The following ELMO1 variants were observed in gnomAD, a reference collection of about 807,000 sequenced individuals.
The protein encoded by ELMO1 is engulfment and cell motility protein 1.
ELMO1 carries 26 observed loss-of-function variants against 98.9 expected under a neutral mutation model. That is an observed-to-expected ratio of 0.26 (90% confidence interval 0.19 to 0.36). The LOEUF is 0.36. Ranked by LOEUF, ELMO1 falls within the 10% of genes least tolerant of loss-of-function variation. The pLI, the probability that ELMO1 is intolerant of heterozygous loss-of-function variation, is 1.00. For missense variants in ELMO1, 627 were observed against 935.2 expected (o/e 0.67, Z 4.30); for synonymous variants, 346 against 346.0 (o/e 1.00, Z 0.00).
chr7:37,076,979 T>A (rs1250323853), intron 15 of ELMO1, among the ~76,000 whole-genome samples: 1 of 152,246 alleles, frequency 6.6e-6, no homozygotes, highest in East Asian at 1.9e-4. Flanking sequence ...GATTATTTAC[T>A]GTCCCAATTA....
At chr7:37,080,219 A>G (rs1797790640) in intron 15 of ELMO1, among the ~76,000 whole-genome samples, 1 of 152,108 alleles carries the variant, frequency 6.6e-6, no homozygotes, top group East Asian at 1.9e-4. Flanking sequence ...TCAGGACACC[A>G]TCATCTCTCA....
intron 8 of ELMO1, among the ~76,000 whole-genome samples, chr7:37,231,660 G>A (rs1794181697): frequency 6.6e-6 from 1 of 152,164 alleles, no homozygotes; most frequent in African/African-American, 2.4e-5. Flanking sequence ...AAGGAGGCAT[G>A]ACAACCAAAT....
intron 13 of ELMO1, among the ~76,000 whole-genome samples, chr7:37,165,060 T>G (rs1370607124): frequency 6.6e-6 from 1 of 152,192 alleles, no homozygotes. Context: ...ACATCCCTTG[T>G]AAGGTGGATT....
At chr7:37,330,350 C>T (rs927978402) in intron 2 of ELMO1, among the ~76,000 whole-genome samples, 1 of 152,216 alleles carries the variant, frequency 6.6e-6, no homozygotes, top group African/African-American at 2.4e-5. Flanking sequence ...TTGTTTTCAA[C>T]CTTCAATTAA....
intron 16 of ELMO1, among the ~76,000 whole-genome samples, chr7:36,968,915 G>T (rs1048343676): frequency 4.0e-5 from 6 of 151,898 alleles, no homozygotes; most frequent in African/African-American, 1.5e-4. Context: ...GGGCAGCTTT[G>T]GCTATATCCC....
chr7:37,325,560 T>C (rs1226253701), intron 2 of ELMO1, among the ~76,000 whole-genome samples: 1 of 152,136 alleles, frequency 6.6e-6, no homozygotes, highest in Non-Finnish European at 1.5e-5. Flanking sequence ...TGCAAAATGC[T>C]TTTCCACAAA....
chr7:36,885,395 T>C (rs1279023511), intron 18 of ELMO1, among the ~76,000 whole-genome samples: 1 of 152,142 alleles, frequency 6.6e-6, no homozygotes, highest in Non-Finnish European at 1.5e-5. Context: ...ACAGGATTAT[T>C]CTGATACAAC....
intron 15 of ELMO1, among the ~76,000 whole-genome samples, chr7:37,061,524 G>A (rs34553617): frequency 0.036 from 5,460 of 151,982 alleles, 109 homozygotes; most frequent in Middle Eastern, 0.078. Flanking sequence ...CCTTTTTTCC[G>A]TCCACAATGC....
chr7:37,448,446 TC>T (rs1805749089), intron 1 of ELMO1, among the ~76,000 whole-genome samples: 2 of 150,866 alleles, frequency 1.3e-5, no homozygotes, highest in African/African-American at 4.9e-5. Flanking sequence ...AGCTCAGACT[TC>T]CCCAACTGCA....
At chr7:37,445,436 T>G (rs940904820) in intron 1 of ELMO1, among the ~76,000 whole-genome samples, 4 of 152,290 alleles carry the variant, frequency 2.6e-5, no homozygotes, top group Admixed American at 2.6e-4. Flanking sequence ...AAATGTTACC[T>G]CCATAGGAAT....
chr7:37,166,231 TTTTC>T (rs1205534982), intron 13 of ELMO1, among the ~76,000 whole-genome samples: 3 of 152,212 alleles, frequency 2.0e-5, no homozygotes, highest in African/African-American at 2.4e-5. Context: ...TTCTCTCTTT[TTTTC>T]TTTATTAGTC....
chr7:37,010,587 G>A (rs1261002390), intron 16 of ELMO1, among the ~76,000 whole-genome samples: 1 of 152,192 alleles, frequency 6.6e-6, no homozygotes, highest in Non-Finnish European at 1.5e-5. Context: ...ATAAGCCAAG[G>A]AATGCAGGTG....
At position 37,331,163 on chromosome 7, in the gene ELMO1, T is replaced by G. The variant is rs1424163263; in HGVS notation, c.78+11450A>C. On this transcript the variant is annotated intron_variant, in intron 2 of 21. Transcript: ENST00000310758. ...GCAAACCCACAGATAAGGGAAAAAC[T>G]ACTGCATTTTTCTTTTTTTTTTTGG... 2.1e-5 allele frequency among the ~76,000 whole-genome samples: 3 copies of G among 140,460 alleles called. No individual in the cohort carries two copies. The East Asian group carries it at 6.2e-4, about 29-fold the overall frequency. The allele number at this position is 140,460 out of a possible 152,430, so 92.1% of individuals were successfully genotyped here. A position where few individuals can be genotyped will look rare whatever the true frequency, so the allele number is the denominator to read the frequency against.
chr7:37,283,570 G>A (rs557076932), intron 4 of ELMO1, among the ~76,000 whole-genome samples: 10 of 152,232 alleles, frequency 6.6e-5, no homozygotes, highest in Non-Finnish European at 1.0e-4. Context: ...TTGAAGTTAG[G>A]TGTAGGCAGT....
chr7:37,117,755 AG>A (rs1170347866), intron 14 of ELMO1, among the ~76,000 whole-genome samples: 1 of 152,262 alleles, frequency 6.6e-6, no homozygotes, highest in Non-Finnish European at 1.5e-5. Flanking sequence ...AATTAAAGCC[AG>A]GAAAAAAGTA....
intron 13 of ELMO1, among the ~76,000 whole-genome samples, chr7:37,170,565 CTTCTTTGTTT>C (rs902210263): frequency 1.6e-4 from 14 of 86,330 alleles, no homozygotes; most frequent in South Asian, 1.4e-3. Context: ...CTTTTATTTC[CTTCTTTGTTT>C]TTCTTTTTCT....
chr7:37,038,281 C>T (rs36002098), intron 15 of ELMO1, among the ~76,000 whole-genome samples: 12,614 of 152,196 alleles, frequency 0.083, 739 homozygotes, highest in African/African-American at 0.17. Context: ...TGGCTCCCAC[C>T]TAAGGGGGAA....
chr7:37,242,544 C>T (rs1237016004), intron 7 of ELMO1, among the ~76,000 whole-genome samples: 1 of 152,148 alleles, frequency 6.6e-6, no homozygotes, highest in Non-Finnish European at 1.5e-5. Context: ...GTGAACAAAA[C>T]ACTGTCAATA....
intron 1 of ELMO1, among the ~76,000 whole-genome samples, chr7:37,359,840 C>A (rs990556793): frequency 1.4e-4 from 21 of 152,206 alleles, no homozygotes; most frequent in African/African-American, 4.8e-4. Flanking sequence ...CACGGTCACA[C>A]CTTTTCACTT....
Sources: gnomAD v4.1 joint callset for allele counts (sites outside exome capture counted in the v4.1 genomes callset) on GRCh38, gnomAD v4.1.1 for gene constraint, MANE v1.5 for transcripts, NCBI Gene and HGNC (gene_info 2026-07-23, HGNC 2026-07-21) for gene names.